The following MYOF variants were observed in gnomAD, a reference collection of about 807,000 sequenced individuals.
The protein encoded by MYOF is fer-1-like 3, myoferlin.
Under a neutral mutation model 284.2 loss-of-function variants are expected in MYOF, and 244 were observed. The observed-to-expected ratio is 0.86, with a 90% CI of 0.77 to 0.95. The LOEUF (loss-of-function observed/expected upper bound fraction) is 0.95, where lower values mean the gene tolerates loss of function less well. MYOF is among the 40% of genes least tolerant of loss of function. MYOF has a pLI of 0.00. For synonymous variants in MYOF, 904 were observed against 919.7 expected (o/e 0.98, Z 0.31); for missense variants, 2,496 against 2,560.6 (o/e 0.97, Z 0.54).
At chr10:93,445,690 G>A (rs985577865) in intron 3 of MYOF, among the ~76,000 whole-genome samples, 2 of 152,214 alleles carry the variant, frequency 1.3e-5, no homozygotes, top group African/African-American at 2.4e-5. Flanking sequence ...TAGCCCATGC[G>A]GGTGTGGGCA....
At chr10:93,423,588 C>T (rs1564706219) in intron 5 of MYOF, among the ~76,000 whole-genome samples, 2 of 141,604 alleles carry the variant, frequency 1.4e-5, no homozygotes, top group Non-Finnish European at 3.0e-5. Context: ...AATCCCAGCA[C>T]TTTGGGAGGC....
intron 24 of MYOF, among the ~76,000 whole-genome samples, chr10:93,372,533 T>G (rs1203411400): frequency 6.6e-6 from 1 of 152,216 alleles, no homozygotes; most frequent in African/African-American, 2.4e-5. Context: ...ATTGATTCAA[T>G]CTATTGCTCA....
At chr10:93,460,870 C>A (rs979906371) in intron 1 of MYOF, among the ~76,000 whole-genome samples, 3 of 151,254 alleles carry the variant, frequency 2.0e-5, no homozygotes, top group Non-Finnish European at 4.4e-5. Flanking sequence ...CTGAGGCAGG[C>A]GGATCACCTG....
intron 40 of MYOF, chr10:93,337,609 C>A (rs1843675215): frequency 1.9e-6 from 1 of 513,702 alleles, no homozygotes; most frequent in East Asian, 3.1e-5. Context: ...AGTCACGTAA[C>A]CATAACTCAA....
intron 48 of MYOF, among the ~76,000 whole-genome samples, chr10:93,320,805 C>G (rs540922393): frequency 3.3e-5 from 5 of 152,138 alleles, no homozygotes; most frequent in Non-Finnish European, 5.9e-5. Context: ...ATGGTTTTCT[C>G]GAAACTGCAC....
intron 44 of MYOF, 100 bp from the exon 45 acceptor site, chr10:93,329,011 G>A: frequency 7.9e-7 from 1 of 1,263,346 alleles, no homozygotes; most frequent in Non-Finnish European, 1.1e-6. Flanking sequence ...CTCCCATATA[G>A]TGGGTGCAGA....
At chr10:93,411,580 TG>T in intron 5 of MYOF, among the ~76,000 whole-genome samples, 2 of 152,100 alleles carry the variant, frequency 1.3e-5, no homozygotes, top group South Asian at 4.2e-4. Flanking sequence ...GAACCAGCTA[TG>T]GGGGGTGTGG....
chr10:93,411,497 A>G (rs2134134257), intron 5 of MYOF, among the ~76,000 whole-genome samples: 1 of 152,300 alleles, frequency 6.6e-6, no homozygotes, highest in African/African-American at 2.4e-5. Context: ...CAATGTGTGA[A>G]TTGTGGAGGG....
At chr10:93,412,842 G>A (rs1448642263) in intron 5 of MYOF, among the ~76,000 whole-genome samples, 1 of 152,180 alleles carries the variant, frequency 6.6e-6, no homozygotes, top group Non-Finnish European at 1.5e-5. Context: ...ACACCCAGAT[G>A]GCTGAAGGGG....
At chr10:93,371,162 T>C (rs760076252) in intron 24 of MYOF, among the ~76,000 whole-genome samples, 13 of 152,202 alleles carry the variant, frequency 8.5e-5, no homozygotes, top group Non-Finnish European at 1.3e-4. Flanking sequence ...TACAAAATCA[T>C]GCATGAATAA....
chr10:93,323,269 C>T lies in MYOF; in HGVS notation c.5360+1G>A, dbSNP rs756608768. 3 of 1,614,134 alleles carry T rather than the reference C, an allele frequency of 1.9e-6. No individual in the cohort carries two copies. Among genetic ancestry groups the T allele is most frequent in the South Asian group, 2.2e-5 (2 of 91,078 alleles). ...TCAGGGTCTCAGGATGACTGACTTA[C>T]TTCTTGGCTTTCCGGGGTGTGATGT... On this transcript the variant is annotated splice_donor_variant, in intron 47 of 53. Coordinates refer to ENST00000359263, the MANE Select transcript of MYOF (RefSeq NM_013451.4). LOFTEE classifies it high-confidence loss of function.
chr10:93,441,785 G>A lies in MYOF; in HGVS notation c.236+10265C>T, dbSNP rs924513322. ...TGCCCATGTTGGCCAGGCTGGTCTC[G>A]AACTCCTGACCTCGTGATCCACCTG... On this transcript the variant is annotated intron_variant, in intron 3 of 53. Coordinates refer to ENST00000359263, the MANE Select transcript of MYOF (RefSeq NM_013451.4). 7.9e-5 allele frequency among the ~76,000 whole-genome samples: 12 copies of A among 151,962 alleles called. No homozygotes were observed. The East Asian group carries it at 9.7e-4, about 12-fold the overall frequency.
chr10:93,403,000 TC>T, intron 9 of MYOF, 110 bp from the exon 10 acceptor site: 1 of 929,572 alleles, frequency 1.1e-6, no homozygotes, highest in South Asian at 1.6e-5. Flanking sequence ...CACTTAAATT[TC>T]CTTGAGACCC....
intron 17 of MYOF, among the ~76,000 whole-genome samples, chr10:93,389,429 G>A (rs910103263): frequency 6.6e-6 from 1 of 152,174 alleles, no homozygotes; most frequent in Non-Finnish European, 1.5e-5. Flanking sequence ...CTTTGAAGTT[G>A]ACCTTCACAT....
At chr10:93,338,977 T>C (rs1385725736) in intron 39 of MYOF, among the ~76,000 whole-genome samples, 2 of 150,174 alleles carry the variant, frequency 1.3e-5, no homozygotes, top group African/African-American at 2.4e-5. Flanking sequence ...GTAGAGCCTC[T>C]TGGGGGAAAG....
At chr10:93,442,227 T>C (rs2056288848) in intron 3 of MYOF, among the ~76,000 whole-genome samples, 1 of 152,180 alleles carries the variant, frequency 6.6e-6, no homozygotes, top group African/African-American at 2.4e-5. Flanking sequence ...GATATAAGGA[T>C]TAAATGCGAT....
At chr10:93,451,115 A>G (rs2056577322) in intron 3 of MYOF, among the ~76,000 whole-genome samples, 3 of 152,106 alleles carry the variant, frequency 2.0e-5, no homozygotes, top group African/African-American at 7.2e-5. Flanking sequence ...TGAAGCGGGT[A>G]GATCACCTGA....
intron 2 of MYOF, among the ~76,000 whole-genome samples, chr10:93,453,660 A>C (rs912002788): frequency 3.3e-5 from 5 of 152,098 alleles, no homozygotes; most frequent in Admixed American, 1.3e-4. Flanking sequence ...TAACTCCAGC[A>C]CTTTGGGAGG....
At chr10:93,469,204 A>AGCCTG (rs1214269537) in intron 1 of MYOF, among the ~76,000 whole-genome samples, 2 of 152,136 alleles carry the variant, frequency 1.3e-5, no homozygotes, top group African/African-American at 4.8e-5. Flanking sequence ...GTTCGAGGCC[A>AGCCTG]GCCTGGCCAA....
Sources: allele counts gnomAD v4.1 joint callset (sites outside exome capture counted in the v4.1 genomes callset), GRCh38; gene constraint gnomAD v4.1.1; transcripts MANE v1.5; gene names NCBI Gene and HGNC (gene_info 2026-07-23, HGNC 2026-07-21).